Variants in CNTNAP2 observed in about 807,000 individuals in gnomAD.
CNTNAP2 encodes contactin-associated protein-like 2.
Under a neutral mutation model 155.2 loss-of-function variants are expected in CNTNAP2, and 98 were observed. The observed-to-expected ratio is 0.63, with a 90% CI of 0.54 to 0.75. The LOEUF (loss-of-function observed/expected upper bound fraction) is 0.75, where lower values mean the gene tolerates loss of function less well. Ranked by LOEUF, CNTNAP2 falls within the 30% of genes least tolerant of loss-of-function variation. The probability of loss-of-function intolerance (pLI) is 0.00; values close to 1 mark genes in which losing one functional copy is unlikely to be tolerated. For synonymous variants in CNTNAP2, 651 were observed against 631.2 expected (o/e 1.03, Z -0.47); for missense variants, 1,727 against 1,688.1 (o/e 1.02, Z -0.40).
At chr7:147,177,409 C>G (rs1476057627) in intron 8 of CNTNAP2, among the ~76,000 whole-genome samples, 1 of 152,024 alleles carries the variant, frequency 6.6e-6, no homozygotes, top group Non-Finnish European at 1.5e-5. Context: ...CTCTTGCTGC[C>G]CTGTGAAGAG....
At chr7:148,148,592 T>C (rs1805239263) in intron 17 of CNTNAP2, among the ~76,000 whole-genome samples, 1 of 152,242 alleles carries the variant, frequency 6.6e-6, no homozygotes, top group African/African-American at 2.4e-5. Flanking sequence ...TTGGTTGCTG[T>C]TCATATTCAT....
intron 3 of CNTNAP2, among the ~76,000 whole-genome samples, chr7:146,890,667 C>A (rs1413140040): frequency 6.6e-6 from 1 of 152,068 alleles, no homozygotes; most frequent in Admixed American, 6.6e-5. Context: ...TAAACCTAAT[C>A]AAAATAAATG....
intron 15 of CNTNAP2, among the ~76,000 whole-genome samples, chr7:148,056,014 G>T (rs1228257292): frequency 2.0e-5 from 3 of 152,148 alleles, no homozygotes; most frequent in Non-Finnish European, 4.4e-5. Flanking sequence ...CTAACAGAAA[G>T]TTCTGTGTTG....
At chr7:146,701,263 A>G (rs1034936561) in intron 1 of CNTNAP2, among the ~76,000 whole-genome samples, 1 of 152,200 alleles carries the variant, frequency 6.6e-6, no homozygotes, top group Non-Finnish European at 1.5e-5. Flanking sequence ...TGGTAAAGCC[A>G]CTGCCCTTAG....
chr7:148,374,933 T>C (rs539648175), intron 21 of CNTNAP2, among the ~76,000 whole-genome samples: 1 of 152,204 alleles, frequency 6.6e-6, no homozygotes, highest in Non-Finnish European at 1.5e-5. Flanking sequence ...GTACATCCAT[T>C]ATTCTGAAAG....
intron 1 of CNTNAP2, among the ~76,000 whole-genome samples, chr7:146,450,123 TA>T (rs986238587): frequency 2.0e-5 from 3 of 152,150 alleles, no homozygotes; most frequent in African/African-American, 7.2e-5. Flanking sequence ...TCCAAGGAGA[TA>T]AAACAACAAC....
intron 3 of CNTNAP2, among the ~76,000 whole-genome samples, chr7:146,955,719 G>T (rs1797420105): frequency 6.6e-6 from 1 of 151,916 alleles, no homozygotes; most frequent in South Asian, 2.1e-4. Context: ...ATTTTAGTTG[G>T]AAGAGATGTA....
At chr7:146,845,822 C>T (rs1803830150) in intron 3 of CNTNAP2, among the ~76,000 whole-genome samples, 1 of 152,194 alleles carries the variant, frequency 6.6e-6, no homozygotes. Context: ...GTAGACCTAG[C>T]TCTGTGCCAG....
chr7:147,646,810 A>G (rs533838206), intron 13 of CNTNAP2, among the ~76,000 whole-genome samples: 1 of 152,326 alleles, frequency 6.6e-6, no homozygotes, highest in Non-Finnish European at 1.5e-5. Flanking sequence ...GAAGAGGACA[A>G]AGTACAATCT....
intron 13 of CNTNAP2, among the ~76,000 whole-genome samples, chr7:147,682,594 G>C (rs185323298): frequency 4.6e-5 from 7 of 151,728 alleles, no homozygotes; most frequent in South Asian, 2.1e-4. Context: ...CATAATTGTC[G>C]GGTGAGACTG....
chr7:147,415,441 G>A (rs1477104016), intron 10 of CNTNAP2, among the ~76,000 whole-genome samples: 1 of 152,186 alleles, frequency 6.6e-6, no homozygotes, highest in Admixed American at 6.5e-5. Context: ...CCCCCATGCT[G>A]TTCTTGATAG....
chr7:148,121,850 A>G (rs1585137296), intron 16 of CNTNAP2, among the ~76,000 whole-genome samples: 2 of 152,158 alleles, frequency 1.3e-5, no homozygotes, highest in Non-Finnish European at 2.9e-5. Flanking sequence ...CCTATACTTC[A>G]TGTATTTACT....
chr7:147,496,715 A>G (rs1310344527), intron 11 of CNTNAP2: 3 of 152,216 alleles, frequency 2.0e-5, no homozygotes, highest in Non-Finnish European at 4.4e-5. Flanking sequence ...AAAACTACTC[A>G]GTGAGGATTC....
intron 4 of CNTNAP2, among the ~76,000 whole-genome samples, chr7:147,061,025 T>C (rs762239665): frequency 1.3e-5 from 2 of 152,188 alleles, no homozygotes; most frequent in African/African-American, 2.4e-5. Context: ...CTATAATCGC[T>C]GAAAGACAAA....
intron 8 of CNTNAP2, among the ~76,000 whole-genome samples, chr7:147,221,461 C>T (rs745402304): frequency 6.6e-6 from 1 of 151,974 alleles, no homozygotes; most frequent in Non-Finnish European, 1.5e-5. Context: ...GCTGAGAGTG[C>T]CGTCCCATTG....
chr7:148,340,036 T>A (rs546423829), intron 21 of CNTNAP2, among the ~76,000 whole-genome samples: 10 of 151,390 alleles, frequency 6.6e-5, no homozygotes, highest in African/African-American at 2.2e-4. Flanking sequence ...TTACATGGTG[T>A]GAACTGTTAA....
At chr7:148,043,687 C>T (rs1802718027) in intron 15 of CNTNAP2, among the ~76,000 whole-genome samples, 2 of 152,238 alleles carry the variant, frequency 1.3e-5, no homozygotes, top group Non-Finnish European at 1.5e-5. Context: ...ACCTGACCTG[C>T]ACCAAATGTG....
intron 17 of CNTNAP2, among the ~76,000 whole-genome samples, chr7:148,150,167 A>G (rs1348935252): frequency 6.6e-6 from 1 of 150,778 alleles, no homozygotes; most frequent in Non-Finnish European, 1.5e-5. Flanking sequence ...AATCCCAGCA[A>G]TTTGGGAGGC....
At chr7:147,802,072 G>C (rs572496046) in intron 13 of CNTNAP2, among the ~76,000 whole-genome samples, 2,245 of 140,448 alleles carry the variant, frequency 0.016, 72 homozygotes, top group African/African-American at 0.054. Context: ...GGCAGTTGCC[G>C]GGCGGAGGGT....
Sources: gnomAD v4.1 joint callset for allele counts (sites outside exome capture counted in the v4.1 genomes callset) on GRCh38, gnomAD v4.1.1 for gene constraint, MANE v1.5 for transcripts, NCBI Gene and HGNC (gene_info 2026-07-23, HGNC 2026-07-21) for gene names.